The following NEB variants were observed in gnomAD, a reference collection of about 807,000 sequenced individuals.
The protein encoded by NEB is nebulin.
A neutral mutation model predicts 952.2 loss-of-function variants in NEB; 512 were observed. The ratio of observed to expected loss-of-function variants is 0.54; its 90% confidence interval spans 0.50 to 0.58. The LOEUF (loss-of-function observed/expected upper bound fraction) is 0.58, where lower values mean the gene tolerates loss of function less well. Ranked by LOEUF, NEB falls within the 20% of genes least tolerant of loss-of-function variation. NEB has a pLI of 0.00. For synonymous variants in NEB, 2,900 were observed against 3,149.8 expected (o/e 0.92, Z 2.66); for missense variants, 8,428 against 9,231.1 (o/e 0.91, Z 3.56).
intron 167 of NEB, among the ~76,000 whole-genome samples, chr2:151,502,386 A>G (rs982239316): frequency 7.5e-5 from 7 of 93,116 alleles, no homozygotes; most frequent in African/African-American, 2.1e-4. Flanking sequence ...ACATCTAAAC[A>G]TAAAAAAAAA....
rs1056150312 is a variant in NEB, at chr2:151,668,015, C to G, written c.4612-104G>C. On this transcript the variant is annotated intron_variant, in intron 39 of 181. Coordinates refer to ENST00000397345, the MANE Select transcript of NEB (RefSeq NM_001164508.2). Reference sequence around the variant, plus strand: ...AAAACATGTCGTAATAGATCCCTTTCTATTAAGACAATCTATGAAGTTAGG... The same window carrying G: ...AAAACATGTCGTAATAGATCCCTTTGTATTAAGACAATCTATGAAGTTAGG... The G allele has an allele frequency of 1.0e-5, 8 of 792,056 alleles. No homozygotes were observed. In the African/African-American group the frequency reaches 1.4e-4, roughly 14 times the overall value. The allele number at this position is 792,056 out of a possible 1,614,324, so 49.1% of individuals were successfully genotyped here.
Position 151,629,553 on chromosome 2 carries a change from C to A in NEB, c.9817G>T (p.Asp3273Tyr). The A allele has an allele frequency of 6.2e-7, 1 of 1,613,300 alleles. No individual in the cohort carries two copies. Among genetic ancestry groups the A allele is most frequent in the Non-Finnish European group, 8.5e-7 (1 of 1,179,328 alleles). Residue 3273 changes from aspartate (D) to tyrosine (Y), a missense_variant, in exon 68 of 182, where the codon GAC becomes TAC. Asp to Tyr is a radical substitution (Grantham distance 160). Transcript: ENST00000397345. ...IPIVAAKASR[D>Y]VISDYKYKDG... ...TTGCTACTCACATCACTGATAACGT[C>A]CCTGGAGGCCTTGGCAGCCACGATG...
In NEB at chr2:151,677,554, A is replaced by T; in HGVS notation, c.3774+11T>A. On this transcript the variant is annotated intron_variant, in intron 34 of 181. Coordinates refer to ENST00000397345, the MANE Select transcript of NEB (RefSeq NM_001164508.2). ...CCATATCCTCTGTCCTCTCTATTTTATTGTACTCACATCACTGACTTGCTT... is the reference window on the plus strand; with the variant it reads ...CCATATCCTCTGTCCTCTCTATTTTTTTGTACTCACATCACTGACTTGCTT... 1 of 1,605,506 alleles carries T rather than the reference A, an allele frequency of 6.2e-7. No homozygotes were observed. The highest frequency in any genetic ancestry group is 8.5e-7 in the Non-Finnish European group (1 of 1,173,554).
intron 141 of NEB, among the ~76,000 whole-genome samples, chr2:151,536,080 G>A (rs2093146222): frequency 6.6e-6 from 1 of 152,054 alleles, no homozygotes; most frequent in African/African-American, 2.4e-5. Flanking sequence ...GCTAATTTAC[G>A]TATATTTTGT....
Position 151,644,572 on chromosome 2 carries a change from G to C in NEB, c.7540C>G (p.Leu2514Val). Reference sequence around the variant, plus strand: ...AGCTCCTCATAACCCATTCGGTAGAGTTTCTGTTAAGAAATGAAGATCATT... The same window carrying C: ...AGCTCCTCATAACCCATTCGGTAGACTTTCTGTTAAGAAATGAAGATCATT... ...KANLINTSDKLYRMGYEELKR... is the reference protein window; with the variant it reads ...KANLINTSDKVYRMGYEELKR... Residue 2514 changes from leucine (L) to valine (V), a missense_variant, in exon 56 of 182, where the codon CTC (leucine) becomes GTC (valine). By Grantham distance (32) the Leu-to-Val change is conservative (BLOSUM62 1). This residue lies in a region of NEB where 1,772 missense variants were observed against 1,960.3 expected (regional missense o/e 0.90). Coordinates refer to ENST00000397345, the MANE Select transcript of NEB (RefSeq NM_001164508.2). The C allele has an allele frequency of 6.2e-7, 1 of 1,611,236 alleles. No homozygotes were observed. The highest frequency in any genetic ancestry group is 1.3e-5 in the African/African-American group (1 of 74,964).
intron 142 of NEB, chr2:151,534,201 C>A: frequency 6.2e-7 from 1 of 1,604,230 alleles, no homozygotes; most frequent in Non-Finnish European, 8.5e-7. Context: ...CACCGGCCAG[C>A]CCCATCACAG....
chr2:151,525,891 T>C, intron 150 of NEB, 67 bp downstream of exon 150: 1 of 1,246,350 alleles, frequency 8.0e-7, no homozygotes, highest in Non-Finnish European at 1.2e-6. Flanking sequence ...GCAACTGACA[T>C]TATTTCACCA....
Position 151,561,109 on chromosome 2 carries a change from C to A in NEB, c.19102-1G>T, listed in dbSNP as rs2153702473. 1 of 1,575,376 alleles carries A rather than the reference C, an allele frequency of 6.3e-7. No individual in the cohort carries two copies. On this transcript the variant is annotated splice_acceptor_variant, in intron 122 of 181. Transcript: ENST00000397345. LOFTEE classifies it high-confidence loss of function. ...GATGATAATTTTCTTTATATTTTAC[C>A]TGTAGACAAGCAACAATAGGTTATT...
At position 151,640,373 on chromosome 2, in the gene NEB, G is replaced by A. The variant is rs1430869613; in HGVS notation, c.8667C>T (p.Ala2889=). 2 of 1,613,714 alleles carry A rather than the reference G, an allele frequency of 1.2e-6. No homozygotes were observed. Among genetic ancestry groups the A allele is most frequent in the African/African-American group, 1.3e-5 (1 of 74,910 alleles). Residue 2889 remains alanine (A), a synonymous_variant, in exon 61 of 182, where the codon GCC becomes GCT. Transcript: ENST00000397345. ...DQSDVIHARQ[A]YDLQSDNMYK... is the part of the protein sequence containing the mutation. ...TACTCACATCGCTCTGGAGGTCATA[G>A]GCCTGCCGAGCATGGATGACGTCGC...
At chr2:151,730,025 T>A (rs962732260) in intron 3 of NEB, among the ~76,000 whole-genome samples, 40 of 152,150 alleles carry the variant, frequency 2.6e-4, no homozygotes, top group African/African-American at 6.8e-4. Context: ...GTGTGTGGGT[T>A]GGGCAGAGAG....
intron 51 of NEB, 27 bp downstream of exon 51, chr2:151,655,243 T>A (rs959637261): frequency 2.3e-6 from 3 of 1,311,554 alleles, no homozygotes; most frequent in Non-Finnish European, 3.2e-6. Context: ...AATACAAAAC[T>A]TAAAATTAAT....
intron 148 of NEB, 60 bp downstream of exon 148, chr2:151,526,858 T>C (rs2086431052): frequency 1.7e-6 from 2 of 1,184,956 alleles, no homozygotes; most frequent in East Asian, 5.1e-5. Context: ...CCCTGGGGAC[T>C]GTACCATGGA....
intron 12 of NEB, among the ~76,000 whole-genome samples, chr2:151,708,851 G>A (rs185045557): frequency 2.5e-4 from 38 of 152,268 alleles, no homozygotes; most frequent in Admixed American, 1.5e-3. Context: ...ACCAAAACCC[G>A]TGTCATCCAA....
At chr2:151,563,975 C>A (rs2096242376) in intron 117 of NEB, 45 bp from the exon 118 acceptor site, 1 of 1,360,422 alleles carries the variant, frequency 7.4e-7, no homozygotes, top group Admixed American at 2.0e-5. Flanking sequence ...CTTTCAACTT[C>A]TTTCAGATAC....
rs6750662 is a variant in NEB at position 151,726,826 on chromosome 2, G to T, written c.294+865C>A. 4.8e-3 allele frequency among the ~76,000 whole-genome samples: 727 copies of T among 152,084 alleles called. 3 individuals carry two copies. The highest frequency in any genetic ancestry group is 0.031 in the Middle Eastern group (9 of 294). ...GGATCACCTGTGGCCAGGAGTTTACGACCATCCTGGGCAACATAGCAAGAC... is the reference window on the plus strand; with the variant it reads ...GGATCACCTGTGGCCAGGAGTTTACTACCATCCTGGGCAACATAGCAAGAC... On this transcript the variant is annotated intron_variant, in intron 5 of 181. Transcript: ENST00000397345.
chr2:151,650,990 T>C, intron 52 of NEB, 105 bp from the exon 53 acceptor site: 1 of 1,161,446 alleles, frequency 8.6e-7, no homozygotes, highest in South Asian at 1.7e-5. Flanking sequence ...CAGGGGTCTA[T>C]GTTTCCCAGG....
At chr2:151,615,926 A>T in intron 76 of NEB, 76 bp downstream of exon 76, 1 of 1,125,720 alleles carries the variant, frequency 8.9e-7, no homozygotes, top group Non-Finnish European at 1.3e-6. Flanking sequence ...CTAAATTTCT[A>T]GCAAGAAAAA....
chr2:151,678,218 AATGTAG>A, intron 32 of NEB, 31 bp from the exon 33 acceptor site: 1 of 1,461,432 alleles, frequency 6.8e-7, no homozygotes, highest in Non-Finnish European at 9.3e-7. Context: ...CATAATTTAA[AATGTAG>A]TTTTGAGGGC....
chr2:151,645,365 G>A (rs1683320653), intron 55 of NEB, among the ~76,000 whole-genome samples: 1 of 152,104 alleles, frequency 6.6e-6, no homozygotes, highest in Non-Finnish European at 1.5e-5. Flanking sequence ...TCCAAAATAG[G>A]ATCCACATCT....
Sources: allele counts gnomAD v4.1 joint callset (sites outside exome capture counted in the v4.1 genomes callset), GRCh38; gene constraint gnomAD v4.1.1; regional missense constraint gnomAD v4.1.1; transcripts MANE v1.5; gene names NCBI Gene and HGNC (gene_info 2026-07-23, HGNC 2026-07-21).